The following PARD3B variants were observed in gnomAD, a reference collection of about 807,000 sequenced individuals.
The protein encoded by PARD3B is partitioning defective 3 homolog B.
Under a neutral mutation model 130.2 loss-of-function variants are expected in PARD3B, and 103 were observed. The ratio of observed to expected loss-of-function variants is 0.79; its 90% CI spans 0.67 to 0.93. The LOEUF is 0.93. Among genes scored for constraint, PARD3B ranks in the 40% least tolerant of loss-of-function variants. PARD3B has a pLI of 0.00. For missense variants in PARD3B, 1,609 were observed against 1,499.2 expected (o/e 1.07, Z -1.21); for synonymous variants, 583 against 553.2 (o/e 1.05, Z -0.76).
chr2:204,913,860 T>C (rs10207414), intron 2 of PARD3B, among the ~76,000 whole-genome samples: 34,452 of 152,182 alleles, frequency 0.23, 4,465 homozygotes, highest in Non-Finnish European at 0.3. Flanking sequence ...TAGACCTGTC[T>C]ACTTAACGGA....
At chr2:204,700,138 T>A (rs1459522232) in intron 2 of PARD3B, among the ~76,000 whole-genome samples, 1 of 152,104 alleles carries the variant, frequency 6.6e-6, no homozygotes, top group African/African-American at 2.4e-5. Context: ...GAAGCTAAAA[T>A]TGAAAATTAG....
intron 21 of PARD3B, among the ~76,000 whole-genome samples, chr2:205,539,004 A>G (rs1007402417): frequency 2.0e-5 from 3 of 152,182 alleles, no homozygotes; most frequent in Non-Finnish European, 4.4e-5. Context: ...AACTTACCCA[A>G]AATCACAAAG....
chr2:204,547,705 A>G (rs1440727243), intron 1 of PARD3B, among the ~76,000 whole-genome samples: 9 of 152,222 alleles, frequency 5.9e-5, no homozygotes, highest in Admixed American at 5.9e-4. Context: ...CTTTTTAACT[A>G]TTAAATAATT....
chr2:204,667,612 C>G (rs769381859), intron 1 of PARD3B, among the ~76,000 whole-genome samples: 2 of 152,138 alleles, frequency 1.3e-5, no homozygotes, highest in African/African-American at 4.8e-5. Flanking sequence ...TTCTTTGTTA[C>G]AGATCTTATA....
chr2:205,219,078 TAA>T (rs748873430), intron 15 of PARD3B, among the ~76,000 whole-genome samples: 8 of 141,710 alleles, frequency 5.6e-5, no homozygotes, highest in East Asian at 2.0e-4. Context: ...AGACTCTGTT[TAA>T]AAAAAAAAAA....
At chr2:205,224,580 C>T (rs2038441482) in intron 15 of PARD3B, among the ~76,000 whole-genome samples, 1 of 144,734 alleles carries the variant, frequency 6.9e-6, no homozygotes, top group African/African-American at 2.6e-5. Context: ...ACTAGCCTTC[C>T]CAACCCCTCT....
At chr2:205,266,031 C>T (rs768959288) in intron 16 of PARD3B, among the ~76,000 whole-genome samples, 3 of 152,050 alleles carry the variant, frequency 2.0e-5, no homozygotes, top group South Asian at 2.1e-4. Flanking sequence ...ATGTTTCTTA[C>T]GCTAAGATTA....
rs1223334046 is a variant in PARD3B, at chr2:205,616,887, A to G, written c.*1074A>G. On this transcript the variant is annotated 3_prime_UTR_variant, in exon 23 of 23. Transcript: ENST00000406610. ...ACCAGCAGGTATTAGATGGAAGTGA[A>G]TGAGAGAGAGAGAGAGAGAGAGTAT... 1.3e-5 allele frequency: 1 copy of G among 77,202 alleles called. No homozygotes were observed. The highest frequency in any genetic ancestry group is 2.7e-5 in the Non-Finnish European group (1 of 37,368). 4.8% of individuals were successfully genotyped at this position (77,202 alleles called of 1,614,324 possible). A position where few individuals can be genotyped will look rare whatever the true frequency, so the allele number is the denominator to read the frequency against.
chr2:205,103,887 C>G (rs768487260), intron 4 of PARD3B: 27 of 260,412 alleles, frequency 1.0e-4, no homozygotes, highest in Non-Finnish European at 1.6e-4. Flanking sequence ...ATTTGAATCT[C>G]TCTCTGAAGA....
At chr2:204,714,788 G>A (rs2038642319) in intron 2 of PARD3B, among the ~76,000 whole-genome samples, 1 of 152,114 alleles carries the variant, frequency 6.6e-6, no homozygotes, top group South Asian at 2.1e-4. Context: ...ATGAACCCAT[G>A]GCAAGTCATC....
At chr2:205,553,692 C>T (rs896440827) in intron 22 of PARD3B, among the ~76,000 whole-genome samples, 1 of 152,172 alleles carries the variant, frequency 6.6e-6, no homozygotes, top group Non-Finnish European at 1.5e-5. Context: ...TGGTATCGAA[C>T]ATCCCGCACC....
intron 2 of PARD3B, among the ~76,000 whole-genome samples, chr2:204,944,088 G>T (rs967402310): frequency 2.6e-5 from 4 of 152,164 alleles, no homozygotes; most frequent in South Asian, 2.1e-4. Context: ...ACTCCAGAAA[G>T]AATGAAAGAA....
intron 4 of PARD3B, among the ~76,000 whole-genome samples, chr2:205,057,485 GTGTATA>G (rs1340571391): frequency 8.4e-5 from 12 of 143,204 alleles, no homozygotes; most frequent in Non-Finnish European, 1.7e-4. Context: ...ACATGTGTAT[GTGTATA>G]TGTATATATA....
chr2:204,858,409 A>T (rs2045042600), intron 2 of PARD3B, among the ~76,000 whole-genome samples: 1 of 151,952 alleles, frequency 6.6e-6, no homozygotes, highest in African/African-American at 2.4e-5. Flanking sequence ...CTATGCCACA[A>T]CATGGATGGT....
rs2051521735 is a variant in PARD3B at position 205,530,097 on chromosome 2, C to T, written c.3181-23227C>T. On this transcript the variant is annotated intron_variant, in intron 21 of 22. Coordinates refer to ENST00000406610, the MANE Select transcript of PARD3B (RefSeq NM_001302769.2). This position sits in a 1 kb window ranked among gnomAD's most constrained non-coding sequence, Gnocchi z 4.7. ...ATCCGTAGGGTATGCACATTCCCAC[C>T]ACAAGATGCAAAAGAGTGGCACACA... is the stretch of plus-strand genomic sequence containing the variant. Among the ~76,000 whole-genome samples the T allele has an allele frequency of 6.6e-6, 1 of 152,166 alleles. No homozygotes were observed. Among genetic ancestry groups the T allele is most frequent in the African/African-American group, 2.4e-5 (1 of 41,442 alleles).
At chr2:205,608,281 T>C (rs560052111) in intron 22 of PARD3B, among the ~76,000 whole-genome samples, 3 of 150,598 alleles carry the variant, frequency 2.0e-5, no homozygotes, top group Admixed American at 2.0e-4. Context: ...GACCTTGGAA[T>C]TGAACCATTG....
chr2:205,354,885 A>T (rs2044136325), intron 18 of PARD3B, among the ~76,000 whole-genome samples: 1 of 152,240 alleles, frequency 6.6e-6, no homozygotes, highest in Non-Finnish European at 1.5e-5. Context: ...GAATGGGAAT[A>T]GGTAAGGTGA....
intron 3 of PARD3B, among the ~76,000 whole-genome samples, chr2:204,991,114 T>C (rs760819388): frequency 1.1e-4 from 16 of 152,016 alleles, no homozygotes; most frequent in Non-Finnish European, 1.5e-4. Flanking sequence ...TTAGGGTACA[T>C]GTGCACATTG....
intron 1 of PARD3B, among the ~76,000 whole-genome samples, chr2:204,671,954 T>A (rs13409407): frequency 0.014 from 2,069 of 152,316 alleles, 44 homozygotes; most frequent in African/African-American, 0.047. Context: ...ACATTTTGAT[T>A]ATTTTTCTAT....
Sources: gnomAD v4.1 joint callset for allele counts (sites outside exome capture counted in the v4.1 genomes callset) on GRCh38, gnomAD v4.1.1 for gene constraint, Gnocchi (gnomAD v3.1) non-coding constraint, MANE v1.5 for transcripts, NCBI Gene and HGNC (gene_info 2026-07-23, HGNC 2026-07-21) for gene names.